EXOC4: variants seen among roughly 807,000 people sequenced by gnomAD.
The protein encoded by EXOC4 is SEC8-like 1.
EXOC4 carries 71 observed loss-of-function variants against 107.2 expected under a neutral mutation model. The ratio of observed to expected loss-of-function variants is 0.66; its 90% CI spans 0.55 to 0.81. The LOEUF (loss-of-function observed/expected upper bound fraction) is 0.81, where lower values mean the gene tolerates loss of function less well. Among genes scored for constraint, EXOC4 ranks in the 30% least tolerant of loss-of-function variants. The pLI is 0.00. For synonymous variants in EXOC4, 456 were observed against 441.2 expected (o/e 1.03, Z -0.42); for missense variants, 1,108 against 1,189.6 (o/e 0.93, Z 1.01).
At chr7:133,504,010 CATACACACACGT>C (rs950354973) in intron 9 of EXOC4, among the ~76,000 whole-genome samples, 15 of 151,930 alleles carry the variant, frequency 9.9e-5, no homozygotes, top group Admixed American at 3.3e-4. Flanking sequence ...TATATGTATA[CATACACACACGT>C]ATACACACAC....
At chr7:133,956,978 A>G (rs1175162080) in intron 14 of EXOC4, among the ~76,000 whole-genome samples, 1 of 152,050 alleles carries the variant, frequency 6.6e-6, no homozygotes, top group Non-Finnish European at 1.5e-5. Flanking sequence ...TGATAATACC[A>G]TTGATTTTTT....
intron 14 of EXOC4, among the ~76,000 whole-genome samples, chr7:133,953,083 C>T (rs1221639848): frequency 1.3e-5 from 2 of 152,192 alleles, no homozygotes; most frequent in African/African-American, 4.8e-5. Flanking sequence ...TCTCAACTCT[C>T]TGATTGCTTA....
chr7:133,895,828 G>C (rs1266057039), intron 12 of EXOC4, 93 bp downstream of exon 12: 31 of 1,373,374 alleles, frequency 2.3e-5, no homozygotes, highest in Non-Finnish European at 3.0e-5. Flanking sequence ...ATTTCCAAAA[G>C]GATCATCTCT....
intron 17 of EXOC4, among the ~76,000 whole-genome samples, chr7:134,015,531 G>A (rs1794884383): frequency 6.6e-6 from 1 of 152,176 alleles, no homozygotes; most frequent in South Asian, 2.1e-4. Context: ...ACTTGGATTT[G>A]AGGAAGATAA....
intron 7 of EXOC4, among the ~76,000 whole-genome samples, chr7:133,377,309 G>A (rs1440592342): frequency 6.6e-6 from 1 of 152,106 alleles, no homozygotes; most frequent in Non-Finnish European, 1.5e-5. Flanking sequence ...AGCCAAGATT[G>A]TGCCTCTGCA....
chr7:133,362,387 G>A (rs1796155305), intron 6 of EXOC4, among the ~76,000 whole-genome samples: 1 of 152,084 alleles, frequency 6.6e-6, no homozygotes, highest in Admixed American at 6.6e-5. Flanking sequence ...TCATGTAATT[G>A]TCCATGTTAG....
At chr7:134,000,107 C>T (rs1231214568) in intron 15 of EXOC4, among the ~76,000 whole-genome samples, 5 of 152,084 alleles carry the variant, frequency 3.3e-5, no homozygotes, top group Admixed American at 2.6e-4. Context: ...TCCTCACTTC[C>T]TCATGTAACA....
chr7:133,437,786 C>T (rs1798009767), intron 7 of EXOC4, among the ~76,000 whole-genome samples: 1 of 152,104 alleles, frequency 6.6e-6, no homozygotes, highest in African/African-American at 2.4e-5. Flanking sequence ...TGCTTTTTGT[C>T]AGTCGCTATT....
Position 133,462,996 on chromosome 7 carries a change from A to G in EXOC4, c.1183-12332A>G, listed in dbSNP as rs149476970. ...AAGGACTTGTCAGAGGAATGAAAAC[A>G]TTGGGTTTAATCTGGTAGCAGGTTG... On this transcript the variant is annotated intron_variant, in intron 7 of 17. Coordinates refer to ENST00000253861, the MANE Select transcript of EXOC4 (RefSeq NM_021807.4). 5.0e-3 allele frequency among the ~76,000 whole-genome samples: 765 copies of G among 152,260 alleles called. 5 individuals are homozygous for G. Among genetic ancestry groups the G allele is most frequent in the African/African-American group, 0.018 (742 of 41,548 alleles).
At chr7:133,974,991 T>C (rs1027934744) in intron 14 of EXOC4, among the ~76,000 whole-genome samples, 1 of 151,154 alleles carries the variant, frequency 6.6e-6, no homozygotes, top group African/African-American at 2.4e-5. Context: ...TTGCAGCAAC[T>C]AAGTAAATTC....
At chr7:133,906,057 G>A (rs576265259) in intron 12 of EXOC4, among the ~76,000 whole-genome samples, 1 of 152,166 alleles carries the variant, frequency 6.6e-6, no homozygotes, top group Non-Finnish European at 1.5e-5. Context: ...GGCAGGAAAG[G>A]AGAAATTTCT....
At chr7:133,386,499 C>G (rs371304305) in intron 7 of EXOC4, among the ~76,000 whole-genome samples, 1 of 152,180 alleles carries the variant, frequency 6.6e-6, no homozygotes, top group Non-Finnish European at 1.5e-5. Flanking sequence ...CTGTTTGTCA[C>G]TCCACTGAGT....
intron 7 of EXOC4, among the ~76,000 whole-genome samples, chr7:133,449,654 C>T (rs981091314): frequency 2.6e-5 from 4 of 151,636 alleles, no homozygotes; most frequent in African/African-American, 9.7e-5. Flanking sequence ...ATTGTTTTCC[C>T]TGGAAAATGC....
chr7:133,961,634 G>A (rs1330157843), intron 14 of EXOC4, among the ~76,000 whole-genome samples: 1 of 152,124 alleles, frequency 6.6e-6, no homozygotes, highest in African/African-American at 2.4e-5. Context: ...ATAATAAATG[G>A]ATGTTGTTTT....
intron 7 of EXOC4, among the ~76,000 whole-genome samples, chr7:133,472,217 G>A (rs1563078591): frequency 6.6e-6 from 1 of 152,192 alleles, no homozygotes; most frequent in Non-Finnish European, 1.5e-5. Context: ...TTTTAGGACT[G>A]TCAGTCTGTT....
At chr7:133,523,467 G>A (rs1554467190) in intron 9 of EXOC4, among the ~76,000 whole-genome samples, 1 of 145,708 alleles carries the variant, frequency 6.9e-6, no homozygotes, top group Non-Finnish European at 1.5e-5. Flanking sequence ...TATACTTTAA[G>A]TTTTAGGGTA....
At chr7:133,317,927 G>A (rs1400807005) in intron 5 of EXOC4, among the ~76,000 whole-genome samples, 1 of 151,836 alleles carries the variant, frequency 6.6e-6, no homozygotes, top group Non-Finnish European at 1.5e-5. Flanking sequence ...CAAAGTGTTG[G>A]CATTACAGGC....
At chr7:134,057,824 A>G (rs749503411) in intron 17 of EXOC4, among the ~76,000 whole-genome samples, 7 of 152,202 alleles carry the variant, frequency 4.6e-5, no homozygotes, top group African/African-American at 9.6e-5. Context: ...GTGCTTTTAT[A>G]TAGCATCTAC....
chr7:133,624,091 T>C (rs1453520839), intron 9 of EXOC4, among the ~76,000 whole-genome samples: 3 of 152,082 alleles, frequency 2.0e-5, no homozygotes, highest in African/African-American at 7.2e-5. Context: ...TGAAGCAAAA[T>C]ATTTGCTATA....
Sources: gnomAD v4.1 joint callset for allele counts (sites outside exome capture counted in the v4.1 genomes callset) on GRCh38, gnomAD v4.1.1 for gene constraint, MANE v1.5 for transcripts, NCBI Gene and HGNC (gene_info 2026-07-23, HGNC 2026-07-21) for gene names.